The following ADAMTS18 variants were observed in gnomAD, a reference collection of about 807,000 sequenced individuals.
ADAMTS18 encodes A disintegrin and metalloproteinase with thrombospondin motifs 18.
Under a neutral mutation model 165.9 loss-of-function variants are expected in ADAMTS18, and 157 were observed. That is an observed-to-expected ratio of 0.95 (90% CI 0.83 to 1.08). The LOEUF (loss-of-function observed/expected upper bound fraction) is 1.08. ADAMTS18 is among the 50% of genes least tolerant of loss of function. The probability of loss-of-function intolerance (pLI) is 0.00; values close to 1 mark genes in which losing one functional copy is unlikely to be tolerated. For synonymous variants in ADAMTS18, 782 were observed against 578.2 expected (o/e 1.35, Z -5.06); for missense variants, 2,040 against 1,534.0 (o/e 1.33, Z -5.51).
At chr16:77,348,058 T>C (rs550812694) in intron 10 of ADAMTS18, among the ~76,000 whole-genome samples, 50 of 152,158 alleles carry the variant, frequency 3.3e-4, no homozygotes, top group Non-Finnish European at 6.0e-4. Context: ...CTCAATTTTC[T>C]AAGAGTTCAT....
In ADAMTS18 at chr16:77,310,068, T is replaced by C. The variant is rs75095850; in HGVS notation, c.2533-9664A>G. 2.8e-3 allele frequency among the ~76,000 whole-genome samples: 424 copies of C among 152,296 alleles called. 11 individuals carry two copies. The East Asian group carries it at 0.038, about 14-fold the overall frequency. On this transcript the variant is annotated intron_variant, in intron 16 of 22. Transcript: ENST00000282849. ...AATGTGTGTTACAGAAGCCTCAGGA[T>C]CTTCAGAGGATTTCAGTGCTGAAAT...
At chr16:77,401,910 G>T (rs1377561755) in intron 3 of ADAMTS18, among the ~76,000 whole-genome samples, 1 of 152,166 alleles carries the variant, frequency 6.6e-6, no homozygotes, top group African/African-American at 2.4e-5. Context: ...TACATCAGCA[G>T]CCCCCACATT....
intron 12 of ADAMTS18, among the ~76,000 whole-genome samples, chr16:77,334,190 T>TTATATATTATATATAATATATAG (rs1482851844): frequency 3.7e-5 from 3 of 80,032 alleles, no homozygotes; most frequent in Non-Finnish European, 6.5e-5. Flanking sequence ...ATATATAGTG[T>TTATATATTATATATAATATATAG]TATATATTAC....
rs2055925240 is a variant in ADAMTS18 at position 77,318,374 on chromosome 16, G to A, written c.2532+1475C>T. 5.3e-5 allele frequency among the ~76,000 whole-genome samples: 8 copies of A among 152,276 alleles called. No homozygotes were observed. In the South Asian group the frequency reaches 1.7e-3, roughly 32 times the overall value. On this transcript the variant is annotated intron_variant, in intron 16 of 22. Transcript: ENST00000282849. Reference sequence around the variant, plus strand: ...CTTGCCAGTATTGGTGCTATATTAAGATAATGGTGTGGCCAAGTGAGCCAG... The same window carrying A: ...CTTGCCAGTATTGGTGCTATATTAAAATAATGGTGTGGCCAAGTGAGCCAG...
intron 3 of ADAMTS18, among the ~76,000 whole-genome samples, chr16:77,425,933 C>G (rs150066003): frequency 6.6e-6 from 1 of 152,186 alleles, no homozygotes; most frequent in East Asian, 1.9e-4. Flanking sequence ...GTAATCCCAG[C>G]TGCTTGGGAG....
intron 10 of ADAMTS18, among the ~76,000 whole-genome samples, chr16:77,345,344 G>A (rs1373003609): frequency 6.6e-6 from 1 of 152,050 alleles, no homozygotes; most frequent in East Asian, 1.9e-4. Flanking sequence ...ATTCCCATTG[G>A]TTCTGGTAAA....
At chr16:77,297,201 T>C in intron 18 of ADAMTS18, 88 bp downstream of exon 18, 1 of 1,538,980 alleles carries the variant, frequency 6.5e-7, no homozygotes, top group Non-Finnish European at 9.0e-7. Flanking sequence ...CCATTAGCAG[T>C]ATTCACAGTG....
chr16:77,429,591 A>T lies in ADAMTS18; in HGVS notation c.495+1704T>A, dbSNP rs142224105. Among the ~76,000 whole-genome samples the T allele has an allele frequency of 3.8e-3, 569 of 151,424 alleles. 5 individuals are homozygous for T. The highest frequency in any genetic ancestry group is 0.027 in the South Asian group (129 of 4,792). ...TTGTACCCCTGAACCTAAAAGTTTT[A>T]AAAAAAAATGGATAAAAACATCATG... On this transcript the variant is annotated intron_variant, in intron 3 of 22. Coordinates refer to ENST00000282849, the MANE Select transcript of ADAMTS18 (RefSeq NM_199355.4).
chr16:77,371,204 G>T (rs1235293865), intron 3 of ADAMTS18, among the ~76,000 whole-genome samples: 3 of 150,890 alleles, frequency 2.0e-5, no homozygotes, highest in Non-Finnish European at 4.4e-5. Flanking sequence ...GACAGAGCAA[G>T]ACTCTGACTC....
Position 77,295,021 on chromosome 16 carries a change from C to T in ADAMTS18, c.2908G>A (p.Val970Met), listed in dbSNP as rs199572357. Residue 970 changes from valine (V) to methionine (M), a missense_variant, in exon 19 of 23, where the codon GTG becomes ATG. Transcript: ENST00000282849. ...QKKPFQKEEA[V>M]LHSLCPVSTP... ...CTCACTGGACAGAGAGAATGCAACA[C>T]TGCTTCCTCCTTTTGGAAGGGCTTC... 131 of 1,614,204 alleles carry T rather than the reference C, an allele frequency of 8.1e-5. No individual in the cohort carries two copies. The East Asian group carries it at 2.8e-3, about 35-fold the overall frequency.
chr16:77,381,724 C>T (rs1469153919), intron 3 of ADAMTS18, among the ~76,000 whole-genome samples: 2 of 152,176 alleles, frequency 1.3e-5, no homozygotes, highest in Admixed American at 1.3e-4. Flanking sequence ...ATCACTTGAA[C>T]CCAGGAGGCG....
At position 77,314,787 on chromosome 16, in the gene ADAMTS18, A is replaced by ATATAT. The variant is rs1567474883; in HGVS notation, c.2532+5061_2532+5062insATATA. Among the ~76,000 whole-genome samples the ATATAT allele has an allele frequency of 2.0e-3, 99 of 49,328 alleles. 21 individuals are homozygous for ATATAT. Among genetic ancestry groups the ATATAT allele is most frequent in the African/African-American group, 6.2e-3 (80 of 12,834 alleles). The allele number at this position is 49,328 out of a possible 152,430, so 32.4% of individuals were successfully genotyped here. A position where few individuals can be genotyped will look rare whatever the true frequency, so the allele number is the denominator to read the frequency against. ...ATATATATATATATATATATATATA[A>ATATAT]AATATATGTGATATGCTCAGAAGGC... On this transcript the variant is annotated intron_variant, in intron 16 of 22. Transcript: ENST00000282849.
chr16:77,370,948 T>A (rs1412772586), intron 3 of ADAMTS18, among the ~76,000 whole-genome samples: 1 of 152,142 alleles, frequency 6.6e-6, no homozygotes, highest in Non-Finnish European at 1.5e-5. Flanking sequence ...AAAGAATATT[T>A]TTAAAATGTT....
chr16:77,298,289 A>T (rs2055514377), intron 17 of ADAMTS18, among the ~76,000 whole-genome samples: 1 of 152,134 alleles, frequency 6.6e-6, no homozygotes, highest in South Asian at 2.1e-4. Context: ...TATCAGGGGC[A>T]TATATTTTTT....
chr16:77,302,343 T>C (rs575755139), intron 16 of ADAMTS18, among the ~76,000 whole-genome samples: 1 of 152,320 alleles, frequency 6.6e-6, no homozygotes, highest in East Asian at 1.9e-4. Context: ...ATTTTGCCTT[T>C]TTTTTATGCA....
intron 8 of ADAMTS18, among the ~76,000 whole-genome samples, chr16:77,356,772 G>T (rs1292545941): frequency 2.0e-5 from 3 of 152,076 alleles, no homozygotes; most frequent in Non-Finnish European, 4.4e-5. Context: ...ACTTTAGGTG[G>T]TCTACTGTCT....
chr16:77,315,601 A>G (rs2055873168), intron 16 of ADAMTS18, among the ~76,000 whole-genome samples: 1 of 152,176 alleles, frequency 6.6e-6, no homozygotes. Context: ...TCCTGTTTCC[A>G]GCACAAGCAC....
At chr16:77,308,986 T>A (rs1298796062) in intron 16 of ADAMTS18, among the ~76,000 whole-genome samples, 1 of 152,222 alleles carries the variant, frequency 6.6e-6, no homozygotes, top group Non-Finnish European at 1.5e-5. Context: ...CATAATATCC[T>A]AAACTCTATT....
intron 7 of ADAMTS18, 101 bp from the exon 8 acceptor site, chr16:77,359,524 T>C (rs935276522): frequency 5.6e-5 from 52 of 922,362 alleles, no homozygotes; most frequent in Admixed American, 2.1e-5. Flanking sequence ...TTTAGTTTAA[T>C]AGATCAATGC....
Sources: gnomAD v4.1 joint callset for allele counts (sites outside exome capture counted in the v4.1 genomes callset) on GRCh38, gnomAD v4.1.1 for gene constraint, MANE v1.5 for transcripts, NCBI Gene and HGNC (gene_info 2026-07-23, HGNC 2026-07-21) for gene names.